The following BRDT variants were observed in gnomAD, a reference collection of about 807,000 sequenced individuals.
The protein encoded by BRDT is bromodomain testis-specific protein.
A neutral mutation model predicts 113.9 loss-of-function variants in BRDT; 77 were observed. That is an observed-to-expected ratio of 0.68 (90% CI 0.56 to 0.82). The LOEUF (loss-of-function observed/expected upper bound fraction) is 0.82. Ranked by LOEUF, BRDT falls within the 40% of genes least tolerant of loss-of-function variation. The pLI is 0.00. For missense variants in BRDT, 1,027 were observed against 1,105.4 expected, an observed-to-expected ratio of 0.93 and a Z score of 1.01; for synonymous variants, 358 against 366.5, an observed-to-expected ratio of 0.98 and a Z score of 0.26.
intron 18 of BRDT, 106 bp from the exon 19 acceptor site, chr1:92,014,100 T>A: frequency 1.4e-6 from 1 of 704,358 alleles, no homozygotes; most frequent in South Asian, 2.2e-5. Context: ...TTGAATAGTT[T>A]TCTTTTGTAT....
intron 13 of BRDT, 85 bp downstream of exon 13, chr1:91,991,330 C>A: frequency 3.0e-6 from 2 of 662,830 alleles, no homozygotes; most frequent in South Asian, 4.0e-5. Context: ...AAATTGTTTT[C>A]AATTTTATTT....
At chr1:92,009,937 T>C (rs936623573) in intron 18 of BRDT, among the ~76,000 whole-genome samples, 3 of 152,100 alleles carry the variant, frequency 2.0e-5, no homozygotes, top group African/African-American at 4.8e-5. Flanking sequence ...TTTTTTCTTT[T>C]AGCACTTTAA....
intron 10 of BRDT, 28 bp from the exon 11 acceptor site, chr1:91,981,240 T>C: frequency 1.2e-6 from 2 of 1,610,942 alleles, no homozygotes; most frequent in Non-Finnish European, 8.5e-7. Flanking sequence ...TTGGTTATAC[T>C]CACTTTCTTC....
Position 92,002,141 on chromosome 1 carries a change from G to C in BRDT, c.2380G>C (p.Val794Leu), listed in dbSNP as rs988170737. The C allele has an allele frequency of 3.7e-6, 6 of 1,608,370 alleles. No homozygotes were observed. The African/African-American group carries it at 4.0e-5, about 11-fold the overall frequency. The change falls in exon 16 of 19, where the codon GTA (valine) becomes CTA (leucine). Residue 794 changes from valine to leucine, a missense_variant. Val to Leu is a conservative substitution (Grantham distance 32). Coordinates refer to ENST00000399546, the MANE Select transcript of BRDT (RefSeq NM_207189.4). ...TMLESECQAP[V>L]QKDIKIKNAD... ...GTTAGAATCTGAATGTCAAGCTCCT[G>C]TACAGAAGGTAAAAGTAATTTTTTT...
chr1:92,012,871 C>T (rs1687920931), intron 18 of BRDT, among the ~76,000 whole-genome samples: 1 of 151,716 alleles, frequency 6.6e-6, no homozygotes, highest in Admixed American at 6.6e-5. Context: ...GGTCATGCCA[C>T]TGCACTCCAG....
intron 1 of BRDT, among the ~76,000 whole-genome samples, chr1:91,960,273 T>C (rs1433587134): frequency 6.6e-6 from 1 of 152,032 alleles, no homozygotes; most frequent in East Asian, 1.9e-4. Context: ...ATTCACAATA[T>C]AGTCAAGAAG....
chr1:91,981,835 AT>A lies in BRDT; in HGVS notation c.2002+83del, dbSNP rs1684763358. The stretch of plus-strand genomic sequence containing the variant: ...ATATTGATTTATATTTTGAAGAAAT[AT>A]TTGTTACTTACCCAGAATCCATGGT... On this transcript the variant is annotated intron_variant, in intron 12 of 18. Transcript: ENST00000399546. 2.8e-6 allele frequency: 4 copies of A among 1,441,710 alleles called. No individual in the cohort carries two copies. The South Asian group carries it at 6.0e-5, about 22-fold the overall frequency. The allele number at this position is 1,441,710 out of a possible 1,614,324, so 89.3% of individuals were successfully genotyped here.
chr1:91,962,978 A>T (rs780058106), intron 2 of BRDT, 32 bp downstream of exon 2: 2 of 1,464,072 alleles, frequency 1.4e-6, no homozygotes, highest in Admixed American at 2.4e-5. Context: ...TTAGTTTCAA[A>T]AAAAGAAAAC....
chr1:91,958,929 G>A (rs970684372), intron 1 of BRDT, among the ~76,000 whole-genome samples: 1 of 151,978 alleles, frequency 6.6e-6, no homozygotes, highest in African/African-American at 2.4e-5. Context: ...TGTACCTATA[G>A]TCCCAGATAA....
At chr1:92,002,210 G>A in intron 16 of BRDT, 61 bp downstream of exon 16, 1 of 1,131,918 alleles carries the variant, frequency 8.8e-7, no homozygotes, top group Non-Finnish European at 1.3e-6. Context: ...GTTTGGAAGT[G>A]GTACAAGAGG....
At chr1:91,986,221 A>G (rs185280760) in intron 12 of BRDT, among the ~76,000 whole-genome samples, 2 of 152,332 alleles carry the variant, frequency 1.3e-5, no homozygotes, top group East Asian at 1.9e-4. Flanking sequence ...CACATAAGCT[A>G]TTGAGAGTTT....
intron 15 of BRDT, among the ~76,000 whole-genome samples, chr1:91,996,969 A>G (rs1461666553): frequency 1.3e-5 from 2 of 152,232 alleles, no homozygotes; most frequent in Non-Finnish European, 2.9e-5. Context: ...ACACCCAGGA[A>G]AATCTGCAGA....
In BRDT at chr1:91,982,428, A is replaced by G. The variant is rs867755112; in HGVS notation, c.2002+673A>G. Among the ~76,000 whole-genome samples the G allele has an allele frequency of 4.6e-5, 7 of 152,314 alleles. No individual in the cohort carries two copies. The South Asian group carries it at 1.4e-3, about 32-fold the overall frequency. ...TTAATGATTACACAGTTGATAAGTAATCACTACCCCAAGAATACTGACTTG... is the reference window on the plus strand; with the variant it reads ...TTAATGATTACACAGTTGATAAGTAGTCACTACCCCAAGAATACTGACTTG... On this transcript the variant is annotated intron_variant, in intron 12 of 18. Transcript: ENST00000399546.
In BRDT at chr1:91,981,727, C is replaced by G. The variant is rs141004191; in HGVS notation, c.1974C>G (p.Ser658Arg). ...CTGAAAGTAGCAGCAGTGACTTAAG[C>G]TCTTCAGACAGCAGTGATTCTGAAT... is the stretch of plus-strand genomic sequence containing the variant. The part of the protein sequence containing the change: ...SESESSSSDL[S>R]SSDSSDSESE... The change falls in exon 12 of 19, where the codon AGC (serine) becomes AGG (arginine). Residue 658 changes from serine to arginine, a missense_variant. Ser to Arg is a moderately radical substitution (Grantham distance 110, BLOSUM62 -1). Coordinates refer to ENST00000399546, the MANE Select transcript of BRDT (RefSeq NM_207189.4). The G allele has an allele frequency of 4.3e-6, 7 of 1,613,954 alleles. No homozygotes were observed. Among genetic ancestry groups the G allele is most frequent in the Non-Finnish European group, 5.9e-6 (7 of 1,179,890 alleles).
At position 91,960,256 on chromosome 1, in the gene BRDT, C is replaced by T. The variant is rs79559415; in HGVS notation, c.-37-2462C>T. ...GACACTTGTAAACCCATGTTCATAG[C>T]AGCAGTATTCACAATATAGTCAAGA... On this transcript the variant is annotated intron_variant, in intron 1 of 18. Coordinates refer to ENST00000399546, the MANE Select transcript of BRDT (RefSeq NM_207189.4). Among the ~76,000 whole-genome samples, 1,334 of 152,166 alleles carry T rather than the reference C, an allele frequency of 8.8e-3. 10 individuals are homozygous for T. The highest frequency in any genetic ancestry group is 0.031 in the African/African-American group (1,288 of 41,514).
chr1:92,000,410 A>G (rs1047628212), intron 15 of BRDT, among the ~76,000 whole-genome samples: 4 of 152,202 alleles, frequency 2.6e-5, no homozygotes, highest in Non-Finnish European at 4.4e-5. Flanking sequence ...ACATGGCTAC[A>G]TTGAGGCTGT....
chr1:91,984,704 C>T (rs868568166), intron 12 of BRDT, among the ~76,000 whole-genome samples: 3 of 151,510 alleles, frequency 2.0e-5, no homozygotes, highest in Non-Finnish European at 4.4e-5. Context: ...GGCACTATCA[C>T]GGCTCACTCC....
chr1:91,955,261 C>G (rs1392719361), intron 1 of BRDT, among the ~76,000 whole-genome samples: 1 of 151,980 alleles, frequency 6.6e-6, no homozygotes, highest in Non-Finnish European at 1.5e-5. Flanking sequence ...TTCAAGACAG[C>G]CTGGCCAACA....
chr1:91,975,899 A>T (rs1439572933), intron 4 of BRDT, among the ~76,000 whole-genome samples: 5 of 152,198 alleles, frequency 3.3e-5, no homozygotes, highest in Non-Finnish European at 4.4e-5. Context: ...TTGGATATTT[A>T]TGCAGAGCAT....
Sources: gnomAD v4.1 joint callset for allele counts (sites outside exome capture counted in the v4.1 genomes callset) on GRCh38, gnomAD v4.1.1 for gene constraint, MANE v1.5 for transcripts, NCBI Gene and HGNC (gene_info 2026-07-23, HGNC 2026-07-21) for gene names.